Variants in SOX6 observed in about 807,000 individuals in gnomAD.
SOX6 encodes transcription factor SOX-6.
SOX6 carries 11 observed loss-of-function variants against 97.8 expected under a neutral mutation model. That is an observed-to-expected ratio of 0.11 (90% CI 0.07 to 0.19). The LOEUF (loss-of-function observed/expected upper bound fraction) is 0.19. Ranked by LOEUF, SOX6 falls within the 10% of genes least tolerant of loss-of-function variation. The probability of loss-of-function intolerance (pLI) is 1.00; values close to 1 mark genes in which losing one functional copy is unlikely to be tolerated. For synonymous variants in SOX6, 360 were observed against 371.4 expected (o/e 0.97, Z 0.35); for missense variants, 810 against 1,039.5 (o/e 0.78, Z 3.04).
At chr11:15,982,704 A>C (rs754356972) in intron 15 of SOX6, among the ~76,000 whole-genome samples, 1 of 152,120 alleles carries the variant, frequency 6.6e-6, no homozygotes, top group Non-Finnish European at 1.5e-5. Context: ...TTCCATACAG[A>C]TGCAACCACT....
intron 3 of SOX6, among the ~76,000 whole-genome samples, chr11:16,237,466 T>C (rs1853058767): frequency 6.6e-6 from 1 of 152,030 alleles, no homozygotes; most frequent in African/African-American, 2.4e-5. Flanking sequence ...TAAGGATCCA[T>C]TCCCTTTGTG....
At chr11:16,588,281 A>G (rs1006111067) in intron 4 of SOX6, among the ~76,000 whole-genome samples, 43 of 152,288 alleles carry the variant, frequency 2.8e-4, no homozygotes, top group Middle Eastern at 3.4e-3. Flanking sequence ...GAGATCATCA[A>G]ACTTCCCAAT....
intron 3 of SOX6, among the ~76,000 whole-genome samples, chr11:16,705,740 C>T (rs1848127502): frequency 6.6e-6 from 1 of 151,904 alleles, no homozygotes; most frequent in Non-Finnish European, 1.5e-5. Context: ...GTTTTGTATT[C>T]TATTGAAATT....
intron 4 of SOX6, among the ~76,000 whole-genome samples, chr11:16,538,421 T>A (rs908973937): frequency 6.6e-6 from 1 of 152,264 alleles, no homozygotes; most frequent in South Asian, 2.1e-4. Context: ...CATTAATTAA[T>A]GGGCAAAATA....
intron 9 of SOX6, among the ~76,000 whole-genome samples, chr11:16,086,388 G>A (rs1046795806): frequency 2.0e-5 from 3 of 152,086 alleles, no homozygotes; most frequent in Admixed American, 1.3e-4. Flanking sequence ...TGCACTAATC[G>A]CTTAAAGAGC....
rs148010064 is a variant in SOX6 at position 16,622,761 on chromosome 11, C to A, written n.430-10501G>T. Among the ~76,000 whole-genome samples the A allele has an allele frequency of 7.1e-3, 1,083 of 152,260 alleles. 15 individuals carry two copies. The highest frequency in any genetic ancestry group is 0.024 in the African/African-American group (977 of 41,548). The stretch of plus-strand genomic sequence containing the variant: ...AAGTCTCTTTTTCGTATAATGACTT[C>A]TTTTCCCCTGGATAGATACCCAGCA... On this transcript the variant is annotated intron_variant and non_coding_transcript_variant, in intron 3 of 5. Coordinates refer to the SOX6 transcript ENST00000524520.
At chr11:16,152,755 T>G (rs1850489682) in intron 6 of SOX6, among the ~76,000 whole-genome samples, 1 of 140,688 alleles carries the variant, frequency 7.1e-6, no homozygotes, top group African/African-American at 2.7e-5. Context: ...AATGATATAT[T>G]AGAATTACTT....
chr11:16,602,063 T>C (rs1453480438), intron 4 of SOX6, among the ~76,000 whole-genome samples: 3 of 152,210 alleles, frequency 2.0e-5, no homozygotes, highest in Non-Finnish European at 4.4e-5. Flanking sequence ...AGGTACTTGA[T>C]ACTATTATAT....
intron 1 of SOX6, among the ~76,000 whole-genome samples, chr11:16,450,136 A>G (rs1859691619): frequency 6.6e-6 from 1 of 152,214 alleles, no homozygotes; most frequent in Non-Finnish European, 1.5e-5. Context: ...CGCAAACTTC[A>G]GAGAAATCTT....
At chr11:16,586,907 G>T (rs1343969043) in intron 4 of SOX6, among the ~76,000 whole-genome samples, 1 of 152,140 alleles carries the variant, frequency 6.6e-6, no homozygotes. Context: ...TCCCCACTTT[G>T]CATGATTCTG....
chr11:16,131,006 C>T (rs986115545), intron 6 of SOX6, among the ~76,000 whole-genome samples: 4 of 151,444 alleles, frequency 2.6e-5, no homozygotes, highest in African/African-American at 7.3e-5. Context: ...AACTGAAAAA[C>T]GTCTAGAAGA....
At chr11:16,443,440 A>C (rs1859548110) in intron 1 of SOX6, among the ~76,000 whole-genome samples, 1 of 152,214 alleles carries the variant, frequency 6.6e-6, no homozygotes, top group Non-Finnish European at 1.5e-5. Flanking sequence ...TTTTGATTTA[A>C]TAATATTTAT....
At chr11:16,188,647 T>A (rs1851547348) in intron 4 of SOX6, among the ~76,000 whole-genome samples, 1 of 152,196 alleles carries the variant, frequency 6.6e-6, no homozygotes, top group Admixed American at 6.5e-5. Flanking sequence ...TTGAATAAAT[T>A]TTTAATTCAA....
chr11:15,977,408 T>A (rs1201044714), intron 15 of SOX6, among the ~76,000 whole-genome samples: 1 of 151,918 alleles, frequency 6.6e-6, no homozygotes, highest in African/African-American at 2.4e-5. Flanking sequence ...ATTGTTCTAG[T>A]TTTCTCCCTT....
intron 1 of SOX6, among the ~76,000 whole-genome samples, chr11:16,423,734 A>T (rs1042404089): frequency 6.6e-6 from 1 of 152,202 alleles, no homozygotes; most frequent in Admixed American, 6.5e-5. Flanking sequence ...GGCAGAACTA[A>T]GGCTGAGGAC....
In SOX6 at chr11:15,970,524, T is replaced by C. The variant is rs1451941074; in HGVS notation, c.*2285A>G. ...TGAACTGAGGAGGAGAGGTATATAA[T>C]CAAAGAAATCAGTAAGACAATAATA... On this transcript the variant is annotated 3_prime_UTR_variant, in exon 16 of 16. Transcript: ENST00000683767. 1 of 152,380 alleles carries C rather than the reference T, an allele frequency of 6.6e-6. No individual in the cohort carries two copies. Among genetic ancestry groups the C allele is most frequent in the Non-Finnish European group, 1.5e-5 (1 of 67,982 alleles). The allele number at this position is 152,380 out of a possible 1,614,324, so 9.4% of individuals were successfully genotyped here.
chr11:16,545,738 G>A (rs1209072225), intron 4 of SOX6, among the ~76,000 whole-genome samples: 1 of 152,086 alleles, frequency 6.6e-6, no homozygotes, highest in Non-Finnish European at 1.5e-5. Flanking sequence ...GATCACTTAA[G>A]CCCAGGAGTT....
intron 2 of SOX6, among the ~76,000 whole-genome samples, chr11:16,735,015 T>C (rs1848381288): frequency 6.6e-6 from 1 of 152,218 alleles, no homozygotes; most frequent in Non-Finnish European, 1.5e-5. Context: ...GGCTTAATTC[T>C]ATCAACTTAA....
chr11:16,223,848 T>C (rs1852612162), intron 4 of SOX6, among the ~76,000 whole-genome samples: 1 of 152,150 alleles, frequency 6.6e-6, no homozygotes, highest in African/African-American at 2.4e-5. Context: ...TTCTCCATGT[T>C]AGCTATGTTT....
Sources: allele counts gnomAD v4.1 joint callset (sites outside exome capture counted in the v4.1 genomes callset), GRCh38; gene constraint gnomAD v4.1.1; transcripts MANE v1.5; gene names NCBI Gene and HGNC (gene_info 2026-07-23, HGNC 2026-07-21).